ATL1: variants seen among roughly 807,000 people sequenced by gnomAD.
ATL1 encodes atlastin GTPase 1.
Under a neutral mutation model 75.5 loss-of-function variants are expected in ATL1, and 31 were observed. That is an observed-to-expected ratio of 0.41 (90% CI 0.31 to 0.55). The LOEUF is 0.55. ATL1 is among the 20% of genes least tolerant of loss of function. The pLI is 0.27. For missense variants in ATL1, 405 were observed against 662.6 expected, an observed-to-expected ratio of 0.61 and a Z score of 4.27; for synonymous variants, 226 against 233.3, an observed-to-expected ratio of 0.97 and a Z score of 0.28.
chr14:50,542,006 CAAAAAAAAAAAAAA>C (rs59075218), intron 1 of ATL1, among the ~76,000 whole-genome samples: 1 of 62,460 alleles, frequency 1.6e-5, no homozygotes, highest in Non-Finnish European at 2.7e-5. Context: ...GATTCCGTCT[CAAAAAAAAAAAAAA>C]AAAAAAAAAA....
chr14:50,570,900 A>G lies in ATL1; in HGVS notation c.34+10601A>G, dbSNP rs138627473. Among the ~76,000 whole-genome samples, 706 of 152,284 alleles carry G rather than the reference A, an allele frequency of 4.6e-3. 2 individuals are homozygous for G. Among genetic ancestry groups the G allele is most frequent in the Non-Finnish European group, 7.9e-3 (537 of 68,012 alleles). Reference sequence around the variant, plus strand: ...GTTTTAATTGTTGTAGGATGTCTCCATGTCAAGGATCAGCCTGAGATGTAA... The same window carrying G: ...GTTTTAATTGTTGTAGGATGTCTCCGTGTCAAGGATCAGCCTGAGATGTAA... On this transcript the variant is annotated intron_variant, in intron 1 of 13. Coordinates refer to ENST00000358385, the MANE Select transcript of ATL1 (RefSeq NM_015915.5).
chr14:50,606,887 C>A (rs557368624), intron 6 of ATL1, among the ~76,000 whole-genome samples: 1 of 152,094 alleles, frequency 6.6e-6, no homozygotes, highest in Non-Finnish European at 1.5e-5. Flanking sequence ...GGTGTGCCCC[C>A]AAACCAAAAG....
intron 1 of ATL1, among the ~76,000 whole-genome samples, chr14:50,583,188 C>T (rs1393874346): frequency 6.6e-6 from 1 of 152,016 alleles, no homozygotes; most frequent in Non-Finnish European, 1.5e-5. Context: ...AAAGTTATGC[C>T]CATTATCACC....
chr14:50,543,411 G>A (rs2038590644), intron 1 of ATL1, among the ~76,000 whole-genome samples: 1 of 152,186 alleles, frequency 6.6e-6, no homozygotes, highest in South Asian at 2.1e-4. Flanking sequence ...CTAGGTAGAG[G>A]TTTACCTTCC....
intron 2 of ATL1, among the ~76,000 whole-genome samples, chr14:50,588,625 A>G (rs2039124462): frequency 6.6e-6 from 1 of 152,176 alleles, no homozygotes; most frequent in Non-Finnish European, 1.5e-5. Flanking sequence ...ACTGTGGCTC[A>G]CGCCTGTAAT....
chr14:50,588,679 G>A (rs1211902045), intron 2 of ATL1, among the ~76,000 whole-genome samples: 1 of 152,068 alleles, frequency 6.6e-6, no homozygotes, highest in Non-Finnish European at 1.5e-5. Context: ...ACGAGGTCAA[G>A]AGATCAATAC....
In ATL1 at chr14:50,578,768, A is replaced by G. The variant is rs138204839; in HGVS notation, c.35-9063A>G. 9.4e-3 allele frequency among the ~76,000 whole-genome samples: 1,438 copies of G among 152,244 alleles called. 8 individuals carry two copies. Among genetic ancestry groups the G allele is most frequent in the Middle Eastern group, 0.044 (13 of 294 alleles). On this transcript the variant is annotated intron_variant, in intron 1 of 13. Coordinates refer to ENST00000358385, the MANE Select transcript of ATL1 (RefSeq NM_015915.5). ...CAGTCCCTCATTGATGGACATTTAC[A>G]TTGTTTCTGGTGTTTTGCATATGTA...
intron 8 of ATL1, among the ~76,000 whole-genome samples, chr14:50,618,859 ATGTGTGTG>A (rs71441298): frequency 1.4e-5 from 2 of 147,734 alleles, no homozygotes; most frequent in Non-Finnish European, 3.0e-5. Flanking sequence ...TATATAATGT[ATGTGTGTG>A]TGTGTGTGTG....
At chr14:50,573,544 T>G (rs1218706669) in intron 1 of ATL1, among the ~76,000 whole-genome samples, 1 of 152,232 alleles carries the variant, frequency 6.6e-6, no homozygotes, top group Admixed American at 6.5e-5. Context: ...ATTTATGTAC[T>G]AATGCATTTT....
rs886050531 is a variant in ATL1 at position 50,595,638 on chromosome 14, C to T, written c.630+6C>T. ...CATTCCTGAAGCCATTTCAGGTGAGCGAGTGTTAAATGATGGTAAATTCTT... is the reference window on the plus strand; with the variant it reads ...CATTCCTGAAGCCATTTCAGGTGAGTGAGTGTTAAATGATGGTAAATTCTT... On this transcript the variant is annotated splice_donor_region_variant and intron_variant, in intron 6 of 13. Transcript: ENST00000358385. The T allele has an allele frequency of 6.2e-6, 10 of 1,612,876 alleles. No homozygotes were observed. The highest frequency in any genetic ancestry group is 4.5e-5 in the East Asian group (2 of 44,826).
chr14:50,629,850 A>G (rs1247325727), intron 12 of ATL1, 145 bp from the exon 13 acceptor site: 3 of 526,216 alleles, frequency 5.7e-6, no homozygotes, highest in Non-Finnish European at 1.0e-5. Context: ...TTCTGATAAA[A>G]TATGTAATCT....
rs373845334 is a variant in ATL1, at chr14:50,623,778, C to T, written c.1119+530C>T. ...AAATGTTATGAAATTAGGCTGGGTG[C>T]GGTGGCTCATGCCTGTAATCCCAGC... is the stretch of plus-strand genomic sequence containing the variant. On this transcript the variant is annotated intron_variant, in intron 11 of 13. Transcript: ENST00000358385. Among the ~76,000 whole-genome samples the T allele has an allele frequency of 1.4e-3, 206 of 152,076 alleles. 6 individuals are homozygous for T. The South Asian group carries it at 0.04, about 29-fold the overall frequency.
intron 1 of ATL1, among the ~76,000 whole-genome samples, chr14:50,544,145 G>A (rs1336657172): frequency 6.6e-6 from 1 of 152,212 alleles, no homozygotes; most frequent in Non-Finnish European, 1.5e-5. Flanking sequence ...CTGGACAGTG[G>A]GAAACTGAAG....
At chr14:50,592,929 A>AAAAAAAAAT (rs562590227) in intron 4 of ATL1, among the ~76,000 whole-genome samples, 1 of 113,880 alleles carries the variant, frequency 8.8e-6, no homozygotes, top group African/African-American at 3.5e-5. Flanking sequence ...AAAAAAAAAA[A>AAAAAAAAAT]ATATATATAT....
At chr14:50,548,732 G>A (rs535176854) in intron 1 of ATL1, among the ~76,000 whole-genome samples, 3 of 152,052 alleles carry the variant, frequency 2.0e-5, no homozygotes, top group East Asian at 3.9e-4. Flanking sequence ...GGATGGTCTC[G>A]ATCTCCTGAC....
intron 1 of ATL1, among the ~76,000 whole-genome samples, chr14:50,574,885 G>A (rs566629125): frequency 4.1e-5 from 5 of 121,270 alleles, no homozygotes; most frequent in African/African-American, 1.6e-4. Flanking sequence ...ATTTTTAAAT[G>A]TTTTTCATTG....
chr14:50,617,385 T>C (rs986732220), intron 8 of ATL1, among the ~76,000 whole-genome samples: 2 of 152,192 alleles, frequency 1.3e-5, no homozygotes, highest in Non-Finnish European at 2.9e-5. Flanking sequence ...TTTTTTCTTT[T>C]GAGGTTGCTC....
At chr14:50,571,495 A>G (rs549622370) in intron 1 of ATL1, among the ~76,000 whole-genome samples, 1 of 152,270 alleles carries the variant, frequency 6.6e-6, no homozygotes, top group South Asian at 2.1e-4. Flanking sequence ...ACTTCATCAG[A>G]TTTCTCCTTT....
At chr14:50,593,392 A>T (rs2039181892) in intron 4 of ATL1, among the ~76,000 whole-genome samples, 1 of 152,156 alleles carries the variant, frequency 6.6e-6, no homozygotes, top group Non-Finnish European at 1.5e-5. Context: ...ATATATAAGG[A>T]TGTGAGCATG....
Sources: gnomAD v4.1 joint callset for allele counts (sites outside exome capture counted in the v4.1 genomes callset) on GRCh38, gnomAD v4.1.1 for gene constraint, MANE v1.5 for transcripts, NCBI Gene and HGNC (gene_info 2026-07-23, HGNC 2026-07-21) for gene names.